The following OR1J2 variants were observed in gnomAD, a reference collection of about 807,000 sequenced individuals.
OR1J2 encodes olfactory receptor 1J2.
For missense variants in OR1J2, 304 were observed against 246.1 expected, an observed-to-expected ratio of 1.24 and a Z score of -1.57; for synonymous variants, 142 against 99.7, an observed-to-expected ratio of 1.42 and a Z score of -2.52.
chr9:122,464,546 C>G, the OR1J2 span, among the ~76,000 whole-genome samples: 1 of 152,098 alleles, frequency 6.6e-6, no homozygotes, highest in African/African-American at 2.4e-5. Flanking sequence ...TGTGTCTACA[C>G]ATGCCACTCT....
chr9:122,470,498 A>G, the OR1J2 span, among the ~76,000 whole-genome samples: 1 of 152,184 alleles, frequency 6.6e-6, no homozygotes, highest in African/African-American at 2.4e-5. Flanking sequence ...AACCTTTGCT[A>G]GGGCAGGGTG....
chr9:122,503,749 C>T, the OR1J2 span, among the ~76,000 whole-genome samples: 1,951 of 152,294 alleles, frequency 0.013, 37 homozygotes, highest in African/African-American at 0.044. Flanking sequence ...CTAAGTCATT[C>T]ACCAACACCA....
the OR1J2 span, among the ~76,000 whole-genome samples, chr9:122,481,534 A>C: frequency 6.6e-6 from 1 of 152,242 alleles, no homozygotes; most frequent in Non-Finnish European, 1.5e-5. Flanking sequence ...CAATTAAAAT[A>C]TGGCAAAAAA....
chr9:122,487,022 G>A, the OR1J2 span, among the ~76,000 whole-genome samples: 2 of 151,878 alleles, frequency 1.3e-5, no homozygotes, highest in African/African-American at 4.8e-5. Flanking sequence ...TAAATTTCTC[G>A]GGGTCCCAGG....
At chr9:122,468,702 A>G in the OR1J2 span, among the ~76,000 whole-genome samples, 1 of 152,194 alleles carries the variant, frequency 6.6e-6, no homozygotes, top group Non-Finnish European at 1.5e-5. Flanking sequence ...CTTGTTAGTC[A>G]AGGCGACTGA....
the OR1J2 span, among the ~76,000 whole-genome samples, chr9:122,448,125 A>G: frequency 2.6e-5 from 4 of 152,282 alleles, no homozygotes; most frequent in African/African-American, 9.6e-5. Flanking sequence ...TATTTTCACT[A>G]TCTCAGCAAG....
the OR1J2 span, chr9:122,553,069 A>C: frequency 8.6e-6 from 7 of 809,768 alleles, no homozygotes; most frequent in Non-Finnish European, 2.0e-6. Context: ...AGAGATTCTT[A>C]TTGGCAAAGA....
chr9:122,553,817 C>A, the OR1J2 span: 16 of 1,614,040 alleles, frequency 9.9e-6, no homozygotes, highest in East Asian at 2.2e-5. Flanking sequence ...AGCTGATGAT[C>A]ATCACCATGG....
At chr9:122,538,838 A>T in the OR1J2 span, among the ~76,000 whole-genome samples, 1 of 152,220 alleles carries the variant, frequency 6.6e-6, no homozygotes, top group Non-Finnish European at 1.5e-5. Flanking sequence ...CAATGGGTAT[A>T]CATGAGCATA....
chr9:122,519,744 G>A, the OR1J2 span: 2 of 1,614,134 alleles, frequency 1.2e-6, no homozygotes, highest in East Asian at 4.5e-5. Flanking sequence ...CATTTTCACA[G>A]TGGGACAGGC....
At chr9:122,469,795 G>C in the OR1J2 span, among the ~76,000 whole-genome samples, 1 of 152,180 alleles carries the variant, frequency 6.6e-6, no homozygotes, top group African/African-American at 2.4e-5. Flanking sequence ...TTGGGAACTG[G>C]AGCAAAGTTG....
At chr9:122,572,650 T>G in the OR1J2 span, 2 of 151,800 alleles carry the variant, frequency 1.3e-5, no homozygotes, top group Non-Finnish European at 2.9e-5. Context: ...CAGATCAAGC[T>G]CAATGAGTCT....
At chr9:122,557,736 GT>G in the OR1J2 span, among the ~76,000 whole-genome samples, 1 of 151,986 alleles carries the variant, frequency 6.6e-6, no homozygotes, top group Non-Finnish European at 1.5e-5. Context: ...TGAGCTAAAA[GT>G]TCTTTCTTAC....
the OR1J2 span, among the ~76,000 whole-genome samples, chr9:122,556,694 A>T: frequency 6.6e-6 from 1 of 152,168 alleles, no homozygotes; most frequent in African/African-American, 2.4e-5. Context: ...AGAAAAAAAA[A>T]GTAAGTAGTG....
At chr9:122,557,102 T>C in the OR1J2 span, among the ~76,000 whole-genome samples, 1 of 152,178 alleles carries the variant, frequency 6.6e-6, no homozygotes, top group African/African-American at 2.4e-5. Context: ...GAAACCTTGC[T>C]ATAATTCTTT....
At chr9:122,465,218 G>A in the OR1J2 span, among the ~76,000 whole-genome samples, 3 of 152,240 alleles carry the variant, frequency 2.0e-5, no homozygotes, top group East Asian at 3.9e-4. Flanking sequence ...CGCGTCTGGG[G>A]AAAACTTGCT....
chr9:122,530,257 C>G, the OR1J2 span, among the ~76,000 whole-genome samples: 2 of 152,134 alleles, frequency 1.3e-5, no homozygotes, highest in East Asian at 1.9e-4. Context: ...TTGAGATGAC[C>G]TGGGACACAT....
At chr9:122,568,597 T>G in the OR1J2 span, 2 of 637,020 alleles carry the variant, frequency 3.1e-6, no homozygotes, top group African/African-American at 1.8e-5. Context: ...TTAGCTACTG[T>G]GCTAATTGTG....
the OR1J2 span, among the ~76,000 whole-genome samples, chr9:122,466,436 T>G: frequency 4.5e-4 from 69 of 152,312 alleles, 1 homozygote; most frequent in Admixed American, 1.4e-3. Flanking sequence ...GCAAATGGCC[T>G]TTCTCAAGAA....
Sources: gnomAD v4.1 joint callset for allele counts (sites outside exome capture counted in the v4.1 genomes callset) on GRCh38, gnomAD v4.1.1 for gene constraint, MANE v1.5 for transcripts, NCBI Gene and HGNC (gene_info 2026-07-23, HGNC 2026-07-21) for gene names.